The following STPG2 variants were observed in gnomAD, a reference collection of about 807,000 sequenced individuals.
The protein encoded by STPG2 is sperm-tail PG-rich repeat-containing protein 2.
A neutral mutation model predicts 54.2 loss-of-function variants in STPG2; 56 were observed. The ratio of observed to expected loss-of-function variants is 1.03; its 90% CI spans 0.83 to 1.29. The LOEUF is 1.29. Ranked by LOEUF, STPG2 falls within the 50% of genes most tolerant of loss-of-function variation. The probability of loss-of-function intolerance (pLI) is 0.00; values close to 1 mark genes in which losing one functional copy is unlikely to be tolerated. For synonymous variants in STPG2, 200 were observed against 181.8 expected, an observed-to-expected ratio of 1.10 and a Z score of -0.81; for missense variants, 596 against 544.9, an observed-to-expected ratio of 1.09 and a Z score of -0.93.
intron 7 of STPG2, among the ~76,000 whole-genome samples, chr4:97,962,749 T>C (rs1053975852): frequency 6.6e-6 from 1 of 152,204 alleles, no homozygotes; most frequent in Non-Finnish European, 1.5e-5. Context: ...ACAAAGAGTT[T>C]AAATAACTTG....
chr4:97,691,775 C>G (rs966513711), intron 10 of STPG2, among the ~76,000 whole-genome samples: 13 of 152,056 alleles, frequency 8.5e-5, no homozygotes, highest in Non-Finnish European at 1.8e-4. Context: ...GTTTAAGGAC[C>G]CTCCCTGTGT....
chr4:97,456,455 C>G (rs576226551), intron 4 of STPG2, among the ~76,000 whole-genome samples: 48 of 152,206 alleles, frequency 3.2e-4, no homozygotes, highest in African/African-American at 1.1e-3. Context: ...TACCTCCCAC[C>G]AAGCACCAAG....
intron 10 of STPG2, among the ~76,000 whole-genome samples, chr4:97,583,544 A>G (rs1490110716): frequency 1.2e-5 from 1 of 85,636 alleles, no homozygotes; most frequent in Non-Finnish European, 2.3e-5. Context: ...TGCTTCTCAT[A>G]GTCAACTTAG....
At position 98,143,032 on chromosome 4, in the gene STPG2, TA is replaced by T. The variant is rs754404449; in HGVS notation, c.109+9del. 1.2e-6 allele frequency: 2 copies of T among 1,606,050 alleles called. No individual in the cohort carries two copies. The highest frequency in any genetic ancestry group is 2.2e-5 in the South Asian group (2 of 89,736). On this transcript the variant is annotated intron_variant, in intron 1 of 10. Transcript: ENST00000295268. ...CTGTCACAGGAGCTCTGCCTCTTCC[TA>T]CATCTTACCTGTCGCCTGCTGCTTC...
chr4:97,483,007 C>T (rs562914397), intron 4 of STPG2, among the ~76,000 whole-genome samples: 1 of 151,746 alleles, frequency 6.6e-6, no homozygotes, highest in East Asian at 1.9e-4. Flanking sequence ...CAAACAAATG[C>T]TGAGAAATTT....
intron 4 of STPG2, among the ~76,000 whole-genome samples, chr4:97,543,030 G>A (rs949923999): frequency 5.9e-5 from 9 of 151,970 alleles, no homozygotes; most frequent in Non-Finnish European, 1.2e-4. Flanking sequence ...TGTAAATGAC[G>A]AGTTAATGGG....
chr4:97,936,097 T>C (rs768146564), intron 8 of STPG2, among the ~76,000 whole-genome samples: 1 of 152,178 alleles, frequency 6.6e-6, no homozygotes, highest in Non-Finnish European at 1.5e-5. Flanking sequence ...GATAGTTAAT[T>C]CTTCTTATTA....
chr4:97,636,861 A>G (rs1461448588), intron 10 of STPG2, among the ~76,000 whole-genome samples: 8 of 151,598 alleles, frequency 5.3e-5, no homozygotes, highest in Non-Finnish European at 1.2e-4. Flanking sequence ...TAGCTTACCA[A>G]CCAAAAAGAG....
chr4:97,675,785 T>G (rs920391842), intron 10 of STPG2, among the ~76,000 whole-genome samples: 1 of 151,592 alleles, frequency 6.6e-6, no homozygotes, highest in African/African-American at 2.4e-5. Context: ...TTTATCAGAC[T>G]TTCTTATAGT....
At chr4:97,658,736 T>A (rs772479274) in intron 10 of STPG2, among the ~76,000 whole-genome samples, 1 of 152,204 alleles carries the variant, frequency 6.6e-6, no homozygotes, top group Non-Finnish European at 1.5e-5. Context: ...AAACTGCTTT[T>A]TCTAAGAAAT....
chr4:97,861,579 T>C (rs1400423455), intron 8 of STPG2, among the ~76,000 whole-genome samples: 1 of 152,006 alleles, frequency 6.6e-6, no homozygotes, highest in African/African-American at 2.4e-5. Flanking sequence ...CTAGTCACAA[T>C]GGCCAAAATC....
intron 8 of STPG2, among the ~76,000 whole-genome samples, chr4:97,853,217 T>G (rs1244473499): frequency 1.3e-5 from 2 of 151,888 alleles, no homozygotes; most frequent in Admixed American, 1.3e-4. Flanking sequence ...CCGCCCACCT[T>G]GGCCTCCCAA....
chr4:97,976,400 C>T (rs955437975), intron 6 of STPG2, among the ~76,000 whole-genome samples: 3 of 152,108 alleles, frequency 2.0e-5, no homozygotes, highest in South Asian at 2.1e-4. Context: ...AATATATCAT[C>T]CTCAGGGCTA....
rs190591704 is a variant in STPG2, at chr4:98,114,547, G to C, written c.388-5242C>G. 3.6e-3 allele frequency among the ~76,000 whole-genome samples: 544 copies of C among 152,074 alleles called. 5 individuals carry two copies. Among genetic ancestry groups the C allele is most frequent in the African/African-American group, 0.012 (518 of 41,520 alleles). On this transcript the variant is annotated intron_variant, in intron 3 of 10. Transcript: ENST00000295268. Reference sequence around the variant, plus strand: ...TCACATTTTTATAGCCTAAAATCATGTTAAGGTTTTGTATTAACTCTTTTA... The same window carrying C: ...TCACATTTTTATAGCCTAAAATCATCTTAAGGTTTTGTATTAACTCTTTTA...
At chr4:97,673,827 G>A (rs1352434470) in intron 10 of STPG2, among the ~76,000 whole-genome samples, 1 of 152,008 alleles carries the variant, frequency 6.6e-6, no homozygotes, top group Admixed American at 6.6e-5. Flanking sequence ...TGTATTCTAA[G>A]TGTATCTTTT....
At chr4:97,981,589 T>C (rs767610925) in intron 5 of STPG2, among the ~76,000 whole-genome samples, 4 of 151,954 alleles carry the variant, frequency 2.6e-5, no homozygotes, top group Non-Finnish European at 5.9e-5. Context: ...AACATGAGAC[T>C]CTAGATGATA....
intron 10 of STPG2, among the ~76,000 whole-genome samples, chr4:97,653,924 G>A (rs1722144807): frequency 6.6e-6 from 1 of 152,088 alleles, no homozygotes; most frequent in Non-Finnish European, 1.5e-5. Flanking sequence ...TGATCCCACA[G>A]GGAAACTTGG....
chr4:97,930,055 C>T lies in STPG2; in HGVS notation c.1044+13842G>A, dbSNP rs185263286. On this transcript the variant is annotated intron_variant, in intron 8 of 10. Transcript: ENST00000295268. ...CTGGGACTACAGGCAAGCACCACCA[C>T]GCCCAGCTAATTTTTGTATTTTTAG... is the stretch of plus-strand genomic sequence containing the variant. Among the ~76,000 whole-genome samples the T allele has an allele frequency of 1.3e-3, 199 of 152,184 alleles. 6 individuals carry two copies. In the East Asian group the frequency reaches 0.033, roughly 25 times the overall value.
intron 9 of STPG2, among the ~76,000 whole-genome samples, chr4:97,763,835 T>C (rs1725959377): frequency 6.6e-6 from 1 of 152,180 alleles, no homozygotes; most frequent in Admixed American, 6.5e-5. Context: ...TTCTTGACAT[T>C]GCTGGTTTCA....
Sources: gnomAD v4.1 joint callset for allele counts (sites outside exome capture counted in the v4.1 genomes callset) on GRCh38, gnomAD v4.1.1 for gene constraint, MANE v1.5 for transcripts, NCBI Gene and HGNC (gene_info 2026-07-23, HGNC 2026-07-21) for gene names.